PCOLCE: variants seen among roughly 807,000 people sequenced by gnomAD.
PCOLCE encodes the protein procollagen C-endopeptidase enhancer.
Under a neutral mutation model 47.2 loss-of-function variants are expected in PCOLCE, and 33 were observed. The ratio of observed to expected loss-of-function variants is 0.70; its 90% CI spans 0.53 to 0.93. The LOEUF (loss-of-function observed/expected upper bound fraction) is 0.93, where lower values mean the gene tolerates loss of function less well. Ranked by LOEUF, PCOLCE falls within the 40% of genes least tolerant of loss-of-function variation. PCOLCE has a pLI of 0.00. For synonymous variants in PCOLCE, 254 were observed against 252.5 expected, an observed-to-expected ratio of 1.01 and a Z score of -0.06; for missense variants, 584 against 585.3, an observed-to-expected ratio of 1.00 and a Z score of 0.02.
chr7:100,604,336 C>G lies in PCOLCE; in HGVS notation c.463+119C>G. 2 of 844,462 alleles carry G rather than the reference C, an allele frequency of 2.4e-6. No individual in the cohort carries two copies. Among genetic ancestry groups the G allele is most frequent in the Non-Finnish European group, 1.8e-6 (1 of 549,254 alleles). The allele number at this position is 844,462 out of a possible 1,614,324, so 52.3% of individuals were successfully genotyped here. On this transcript the variant is annotated intron_variant, in intron 3 of 8. Transcript: ENST00000223061. This position sits in a 1 kb window ranked among gnomAD's most constrained non-coding sequence, Gnocchi z 6.4. ...CGCCCCAGTGCCTAGGGCCCCCTAC[C>G]TCCCTGACCCATTTTCCTCACTAAC...
rs1455631147 is a variant in PCOLCE at position 100,604,703 on chromosome 7, G to A, written c.464-388G>A. On this transcript the variant is annotated intron_variant, in intron 3 of 8. Transcript: ENST00000223061. This position sits in a 1 kb window ranked among gnomAD's most constrained non-coding sequence, Gnocchi z 6.4. ...TTTCAGGCGGGGACCTCCCTAAAGG[G>A]GTCCTCGGGGGCTGTGCCCCAAGTC... 2.9e-5 allele frequency: 9 copies of A among 314,094 alleles called. No homozygotes were observed. The highest frequency in any genetic ancestry group is 2.1e-4 in the South Asian group (6 of 28,900). The allele number at this position is 314,094 out of a possible 1,614,324, so 19.5% of individuals were successfully genotyped here.
chr7:100,604,466 C>T lies in PCOLCE; in HGVS notation c.463+249C>T, dbSNP rs1466293748. Reference sequence around the variant, plus strand: ...CGCGAGGCGGAAATGGGTCACCGACCCGCGGGTGGAATGGGCGGCCTGGGG... The same window carrying T: ...CGCGAGGCGGAAATGGGTCACCGACTCGCGGGTGGAATGGGCGGCCTGGGG... On this transcript the variant is annotated intron_variant, in intron 3 of 8. Transcript: ENST00000223061. This position sits in a 1 kb window ranked among gnomAD's most constrained non-coding sequence, Gnocchi z 6.4. 1 of 609,312 alleles carries T rather than the reference C, an allele frequency of 1.6e-6. No individual in the cohort carries two copies. The highest frequency in any genetic ancestry group is 1.9e-5 in the African/African-American group (1 of 53,968). 37.7% of individuals were successfully genotyped at this position (609,312 alleles called of 1,614,324 possible).
chr7:100,603,882 G>T, intron 2 of PCOLCE, 77 bp from the exon 3 acceptor site: 1 of 1,513,234 alleles, frequency 6.6e-7, no homozygotes, highest in South Asian at 1.2e-5. Flanking sequence ...AGAAACGCTT[G>T]GGGCAGGGGA....
intron 5 of PCOLCE, 79 bp from the exon 6 acceptor site, chr7:100,606,337 A>C (rs2131289642): frequency 2.9e-6 from 3 of 1,023,566 alleles, no homozygotes; most frequent in Non-Finnish European, 4.4e-6. Context: ...TCAAACAAAC[A>C]AAAAAGGTCA....
In PCOLCE at chr7:100,604,714, G is replaced by T. The variant is rs1159346692; in HGVS notation, c.464-377G>T. 2 of 313,628 alleles carry T rather than the reference G, an allele frequency of 6.4e-6. No individual in the cohort carries two copies. The highest frequency in any genetic ancestry group is 1.2e-5 in the Non-Finnish European group (2 of 165,212). 19.4% of individuals were successfully genotyped at this position (313,628 alleles called of 1,614,324 possible). On this transcript the variant is annotated intron_variant, in intron 3 of 8. Transcript: ENST00000223061. The surrounding 1 kb of genome is among the most constrained non-coding windows in gnomAD (Gnocchi z 6.4). ...GACCTCCCTAAAGGGGTCCTCGGGG[G>T]CTGTGCCCCAAGTCGAGGACACCCT...
Position 100,604,004 on chromosome 7 carries a change from C to A in PCOLCE, c.250C>A (p.Leu84Met). Residue 84 changes from leucine to methionine, a missense_variant, in exon 3 of 9, where the codon CTG becomes ATG. By Grantham distance (15) the Leu-to-Met change is conservative. Coordinates refer to ENST00000223061, the MANE Select transcript of PCOLCE (RefSeq NM_002593.4). The surrounding 1 kb of genome is among the most constrained non-coding windows in gnomAD (Gnocchi z 6.4). ...GTCCCTCTCATTCCGAGTCTTCGACCTGGAGCTGCACCCCGCCTGCCGCTA... is the reference window on the plus strand; with the variant it reads ...GTCCCTCTCATTCCGAGTCTTCGACATGGAGCTGCACCCCGCCTGCCGCTA... ...TVSLSFRVFDLELHPACRYDA... is the reference protein window; with the variant it reads ...TVSLSFRVFDMELHPACRYDA... The A allele has an allele frequency of 6.2e-7, 1 of 1,604,364 alleles. No homozygotes were observed. Among genetic ancestry groups the A allele is most frequent in the Non-Finnish European group, 8.5e-7 (1 of 1,179,944 alleles).
rs754417828 is a variant in PCOLCE at position 100,605,222 on chromosome 7, A to T, written c.588+7A>T. 6.2e-7 allele frequency: 1 copy of T among 1,607,996 alleles called. No homozygotes were observed. The highest frequency in any genetic ancestry group is 1.1e-5 in the South Asian group (1 of 90,708). ...CATCGCGCCCCCGGACCAGGTACCG[A>T]CCCTCCTCCCCGGGCTGCCCTAGGG... On this transcript the variant is annotated splice_region_variant and intron_variant, in intron 4 of 8. Coordinates refer to ENST00000223061, the MANE Select transcript of PCOLCE (RefSeq NM_002593.4). This position sits in a 1 kb window ranked among gnomAD's most constrained non-coding sequence, Gnocchi z 6.1.
At chr7:100,603,607 A>ACCCCCCCCCCC (rs112882557) in intron 2 of PCOLCE, 69 bp downstream of exon 2, 4 of 544,644 alleles carry the variant, frequency 7.3e-6, no homozygotes, top group African/African-American at 2.4e-5. Context: ...CTGCGAAGGG[A>ACCCCCCCCCCC]CCCCCCCCCC....
In PCOLCE at chr7:100,604,920, C is replaced by G; in HGVS notation, c.464-171C>G. On this transcript the variant is annotated intron_variant, in intron 3 of 8. Coordinates refer to ENST00000223061, the MANE Select transcript of PCOLCE (RefSeq NM_002593.4). The surrounding 1 kb of genome is among the most constrained non-coding windows in gnomAD (Gnocchi z 6.4). ...CCAGACTTCCCCGAGCCGCGCTCCT[C>G]CCGGCCGCTCTCTGTTAACCTGCCC... 9.3e-6 allele frequency: 5 copies of G among 539,628 alleles called. No individual in the cohort carries two copies. Among genetic ancestry groups the G allele is most frequent in the Non-Finnish European group, 1.7e-5 (5 of 302,334 alleles). The allele number at this position is 539,628 out of a possible 1,614,324, so 33.4% of individuals were successfully genotyped here.
chr7:100,608,027 A>G lies in PCOLCE; in HGVS notation c.1274A>G (p.Gln425Arg), dbSNP rs770293237. The G allele has an allele frequency of 1.2e-6, 2 of 1,614,162 alleles. No individual in the cohort carries two copies. The highest frequency in any genetic ancestry group is 1.7e-6 in the Non-Finnish European group (2 of 1,180,006). ...TTTGTGGTTCTCCACCGGCCCAACC[A>G]GGACCAGATCCTCACCAACCTAAGC... ...ESFVVLHRPN[Q>R]DQILTNLSKR... Residue 425 changes from glutamine to arginine, a missense_variant, in exon 9 of 9, where the codon CAG becomes CGG. Coordinates refer to ENST00000223061, the MANE Select transcript of PCOLCE (RefSeq NM_002593.4).
chr7:100,602,606 C>A, intron 1 of PCOLCE, 55 bp downstream of exon 1: 1 of 1,141,824 alleles, frequency 8.8e-7, no homozygotes, highest in Non-Finnish European at 1.3e-6. Flanking sequence ...CCCCCGATTC[C>A]TTTGGGGTTA....
In PCOLCE at chr7:100,605,634, G is replaced by A; in HGVS notation, c.589-42G>A. On this transcript the variant is annotated intron_variant, in intron 4 of 8. Transcript: ENST00000223061. This position sits in a 1 kb window ranked among gnomAD's most constrained non-coding sequence, Gnocchi z 6.1. ...GTAGGAGATGAGGTGCAGGCGCCCA[G>A]GGGTGTCCCGCCGCGCAGTCCCCGC... is the stretch of plus-strand genomic sequence containing the variant. 6.4e-7 allele frequency: 1 copy of A among 1,554,502 alleles called. No individual in the cohort carries two copies. Among genetic ancestry groups the A allele is most frequent in the Non-Finnish European group, 8.7e-7 (1 of 1,149,420 alleles).
intron 7 of PCOLCE, 29 bp from the exon 8 acceptor site, chr7:100,607,608 C>T: frequency 2.5e-6 from 4 of 1,612,286 alleles, no homozygotes; most frequent in Non-Finnish European, 3.4e-6. Context: ...CCTCCCATCT[C>T]CTCATCTCTC....
chr7:100,604,075 G>A lies in PCOLCE; in HGVS notation c.321G>A (p.Arg107=). The part of the protein sequence containing the change: ...VFAGSGTSGQ[R]LGRFCGTFRP... The stretch of plus-strand genomic sequence containing the variant: ...CTGGGTCTGGGACTTCCGGCCAGCG[G>A]CTCGGACGCTTTTGTGGGACCTTCC... Residue 107 remains arginine, a synonymous_variant, in exon 3 of 9, where the codon CGG becomes CGA. Transcript: ENST00000223061. The surrounding 1 kb of genome is among the most constrained non-coding windows in gnomAD (Gnocchi z 6.4). The A allele has an allele frequency of 6.2e-7, 1 of 1,609,314 alleles. No individual in the cohort carries two copies.
Position 100,604,530 on chromosome 7 carries a change from A to G in PCOLCE, c.463+313A>G, listed in dbSNP as rs1802677028. 2.1e-6 allele frequency: 1 copy of G among 470,042 alleles called. No individual in the cohort carries two copies. The highest frequency in any genetic ancestry group is 3.9e-6 in the Non-Finnish European group (1 of 255,196). 29.1% of individuals were successfully genotyped at this position (470,042 alleles called of 1,614,324 possible). A position where few individuals can be genotyped will look rare whatever the true frequency, so the allele number is the denominator to read the frequency against. On this transcript the variant is annotated intron_variant, in intron 3 of 8. Coordinates refer to ENST00000223061, the MANE Select transcript of PCOLCE (RefSeq NM_002593.4). The surrounding 1 kb of genome is among the most constrained non-coding windows in gnomAD (Gnocchi z 6.4). ...GAGTAACTGCCGGCCCCCGTCCGCAATCGGGCTCCCTCCGTCGGGCGCGAG... is the reference window on the plus strand; with the variant it reads ...GAGTAACTGCCGGCCCCCGTCCGCAGTCGGGCTCCCTCCGTCGGGCGCGAG...
rs746462317 is a variant in PCOLCE at position 100,605,149 on chromosome 7, C to T, written c.522C>T (p.Asn174=). 6.8e-6 allele frequency: 11 copies of T among 1,612,922 alleles called. No homozygotes were observed. The highest frequency in any genetic ancestry group is 6.7e-5 in the Admixed American group (4 of 59,970). Residue 174 remains asparagine, a synonymous_variant, in exon 4 of 9, where the codon AAC becomes AAT. Coordinates refer to ENST00000223061, the MANE Select transcript of PCOLCE (RefSeq NM_002593.4). This position sits in a 1 kb window ranked among gnomAD's most constrained non-coding sequence, Gnocchi z 6.1. ...EKAQGTLTTP[N]WPESDYPPGI... is the part of the protein sequence containing the mutation. ...CCCAGGGAACCCTGACCACGCCCAA[C>T]TGGCCCGAGTCCGATTACCCCCCGG...
chr7:100,606,933 A>C (rs1802727064), intron 6 of PCOLCE, among the ~76,000 whole-genome samples: 1 of 152,030 alleles, frequency 6.6e-6, no homozygotes, highest in Non-Finnish European at 1.5e-5. Context: ...TCTACTAAAA[A>C]TACAAAAATT....
chr7:100,606,512 G>A lies in PCOLCE; in HGVS notation c.822G>A (p.Pro274=), dbSNP rs374118608. Residue 274 remains proline, a synonymous_variant, in exon 6 of 9, where the codon CCG becomes CCA. Transcript: ENST00000223061. ...DGFSASYKTL[P]RGTAKEGQGP... ...TCTCAGCCTCCTACAAGACCCTGCC[G>A]CGGGGCACTGCCAAAGAAGGGCAAG... is the stretch of plus-strand genomic sequence containing the variant. 62 of 1,614,016 alleles carry A rather than the reference G, an allele frequency of 3.8e-5. No individual in the cohort carries two copies. Among genetic ancestry groups the A allele is most frequent in the South Asian group, 5.5e-5 (5 of 91,084 alleles).
Position 100,607,922 on chromosome 7 carries a change from C to G in PCOLCE, c.1184-15C>G, listed in dbSNP as rs747062823. ...TCAAGAATAAGAGATCTCAACCCCT[C>G]CCTCCTTCTTCCAGGAGTCAGTTAT... On this transcript the variant is annotated splice_polypyrimidine_tract_variant and intron_variant, in intron 8 of 8. Coordinates refer to ENST00000223061, the MANE Select transcript of PCOLCE (RefSeq NM_002593.4). 1.2e-6 allele frequency: 2 copies of G among 1,614,026 alleles called. No individual in the cohort carries two copies. The highest frequency in any genetic ancestry group is 3.3e-5 in the Admixed American group (2 of 60,012).
Sources: allele counts gnomAD v4.1 joint callset (sites outside exome capture counted in the v4.1 genomes callset), GRCh38; gene constraint gnomAD v4.1.1; non-coding constraint Gnocchi (gnomAD v3.1); transcripts MANE v1.5; gene names NCBI Gene and HGNC (gene_info 2026-07-23, HGNC 2026-07-21).